The following CHD6 variants were observed in gnomAD, a reference collection of about 807,000 sequenced individuals.
CHD6 encodes ATP-dependent chromatin remodeler CHD6.
A neutral mutation model predicts 276.9 loss-of-function variants in CHD6; 50 were observed. The observed-to-expected ratio is 0.18, with a 90% CI of 0.14 to 0.23. The LOEUF (loss-of-function observed/expected upper bound fraction) is 0.23. CHD6 is among the 10% of genes least tolerant of loss of function. The pLI, the probability that CHD6 is intolerant of heterozygous loss-of-function variation, is 1.00. For synonymous variants in CHD6, 1,173 were observed against 1,229.3 expected (o/e 0.95, Z 0.96); for missense variants, 2,564 against 3,365.8 (o/e 0.76, Z 5.89).
intron 1 of CHD6, among the ~76,000 whole-genome samples, chr20:41,591,377 TATAC>T (rs1180894971): frequency 1.0e-3 from 127 of 122,948 alleles, no homozygotes; most frequent in African/African-American, 4.3e-3. Context: ...TATATATATA[TATAC>T]ACACACACAC....
At chr20:41,581,477 C>A (rs1311036287) in intron 1 of CHD6, among the ~76,000 whole-genome samples, 1 of 152,080 alleles carries the variant, frequency 6.6e-6, no homozygotes, top group African/African-American at 2.4e-5. Context: ...GAGATCGAGA[C>A]CATCCTGGCC....
chr20:41,417,140 G>C, intron 32 of CHD6, 58 bp downstream of exon 32: 2 of 1,491,156 alleles, frequency 1.3e-6, no homozygotes, highest in South Asian at 1.3e-5. Flanking sequence ...GTTAAAAAAA[G>C]CAATTCAAAG....
intron 8 of CHD6, among the ~76,000 whole-genome samples, chr20:41,495,689 A>G (rs538831597): frequency 6.6e-6 from 1 of 152,350 alleles, no homozygotes; most frequent in East Asian, 1.9e-4. Context: ...TAGCTTGACT[A>G]TAGTGGTTAT....
chr20:41,532,505 A>G (rs2044711824), intron 3 of CHD6, among the ~76,000 whole-genome samples: 1 of 152,158 alleles, frequency 6.6e-6, no homozygotes, highest in African/African-American at 2.4e-5. Context: ...CCCCTGTATC[A>G]CACCTGGGAT....
chr20:41,455,678 A>C, intron 19 of CHD6, 122 bp downstream of exon 19: 1 of 671,460 alleles, frequency 1.5e-6, no homozygotes, highest in Non-Finnish European at 2.5e-6. Flanking sequence ...ACGCAGACTA[A>C]ATGTGCAGCC....
intron 1 of CHD6, among the ~76,000 whole-genome samples, chr20:41,559,081 T>A (rs1409248051): frequency 1.3e-5 from 2 of 152,160 alleles, no homozygotes; most frequent in Admixed American, 1.3e-4. Flanking sequence ...TTTCCTTAAA[T>A]GCTGTTTTGC....
At chr20:41,510,093 C>T (rs1480863584) in intron 5 of CHD6, among the ~76,000 whole-genome samples, 1 of 152,180 alleles carries the variant, frequency 6.6e-6, no homozygotes, top group Non-Finnish European at 1.5e-5. Context: ...CTTCTCTGCC[C>T]TGAGCTAAAG....
intron 36 of CHD6, among the ~76,000 whole-genome samples, chr20:41,411,445 T>G (rs1006860135): frequency 1.3e-5 from 2 of 152,092 alleles, no homozygotes; most frequent in Non-Finnish European, 2.9e-5. Flanking sequence ...AAAGTCCCCA[T>G]GAGCATCTTC....
At chr20:41,491,864 T>A (rs532838358) in intron 10 of CHD6, 45 bp from the exon 11 acceptor site, 1 of 1,608,604 alleles carries the variant, frequency 6.2e-7, no homozygotes, top group East Asian at 2.2e-5. Flanking sequence ...AATGATGTTT[T>A]AGGAGCATAA....
chr20:41,584,406 T>C (rs2045571556), intron 1 of CHD6, among the ~76,000 whole-genome samples: 2 of 152,194 alleles, frequency 1.3e-5, no homozygotes. Context: ...AACACTCCAC[T>C]TCTGGTAATC....
At chr20:41,611,699 T>C (rs1447531032) in intron 1 of CHD6, among the ~76,000 whole-genome samples, 3 of 152,058 alleles carry the variant, frequency 2.0e-5, no homozygotes, top group Non-Finnish European at 2.9e-5. Flanking sequence ...CTCAGTTCAC[T>C]GGATCTCAGT....
intron 16 of CHD6, among the ~76,000 whole-genome samples, chr20:41,479,484 C>T (rs1042150755): frequency 1.3e-5 from 2 of 151,856 alleles, no homozygotes; most frequent in East Asian, 1.9e-4. Context: ...TAAGAAACCA[C>T]GGGGACCAGG....
chr20:41,599,830 A>G lies in CHD6; in HGVS notation c.-24+18510T>C, dbSNP rs182856293. ...AAACAACCCCTCCCAACTAGTTGGT[A>G]ATAGACAGCCTCTCCCTTCCCGCCT... On this transcript the variant is annotated intron_variant, in intron 1 of 36. Transcript: ENST00000373233. 1.2e-3 allele frequency among the ~76,000 whole-genome samples: 188 copies of G among 152,322 alleles called. 1 individual carries two copies. The highest frequency in any genetic ancestry group is 4.4e-3 in the African/African-American group (182 of 41,574).
chr20:41,437,443 G>A, intron 26 of CHD6, 109 bp from the exon 27 acceptor site: 1 of 650,488 alleles, frequency 1.5e-6, no homozygotes, highest in Non-Finnish European at 2.7e-6. Flanking sequence ...TTTTGGGGGA[G>A]AGACAGGGCG....
intron 11 of CHD6, 132 bp from the exon 12 acceptor site, chr20:41,490,153 A>T: frequency 1.3e-6 from 1 of 787,596 alleles, no homozygotes; most frequent in Non-Finnish European, 2.1e-6. Context: ...TTCACATATT[A>T]AACTGAGGTT....
At chr20:41,485,672 G>A (rs1044388253) in intron 14 of CHD6, 2 of 152,012 alleles carry the variant, frequency 1.3e-5, no homozygotes, top group African/African-American at 4.8e-5. Context: ...GATTAGAGTA[G>A]TGGTTACCAG....
At chr20:41,460,056 C>T (rs559546215) in intron 17 of CHD6, among the ~76,000 whole-genome samples, 2 of 152,286 alleles carry the variant, frequency 1.3e-5, no homozygotes, top group South Asian at 2.1e-4. Context: ...CTAGAGCAAA[C>T]GTGACTTTTG....
At chr20:41,520,348 G>A (rs2044360511) in intron 3 of CHD6, among the ~76,000 whole-genome samples, 1 of 152,172 alleles carries the variant, frequency 6.6e-6, no homozygotes, top group Non-Finnish European at 1.5e-5. Context: ...TATAAATCAT[G>A]CTGCTATAAA....
chr20:41,419,528 C>G (rs919644823), intron 31 of CHD6, among the ~76,000 whole-genome samples: 1 of 116,842 alleles, frequency 8.6e-6, no homozygotes, highest in Non-Finnish European at 1.6e-5. Context: ...GCACTCCAGC[C>G]TGGGTGACAG....
Sources: allele counts gnomAD v4.1 joint callset (sites outside exome capture counted in the v4.1 genomes callset), GRCh38; gene constraint gnomAD v4.1.1; transcripts MANE v1.5; gene names NCBI Gene and HGNC (gene_info 2026-07-23, HGNC 2026-07-21).